The following KIAA1217 variants were observed in gnomAD, a reference collection of about 807,000 sequenced individuals.
KIAA1217 encodes the protein sickle tail protein homolog.
KIAA1217 carries 88 observed loss-of-function variants against 163.9 expected under a neutral mutation model. The observed-to-expected ratio is 0.54, with a 90% confidence interval of 0.45 to 0.64. The LOEUF (loss-of-function observed/expected upper bound fraction) is 0.64. KIAA1217 is among the 30% of genes least tolerant of loss of function. The pLI, the probability that KIAA1217 is intolerant of heterozygous loss-of-function variation, is 0.00. For synonymous variants in KIAA1217, 903 were observed against 923.1 expected (o/e 0.98, Z 0.39); for missense variants, 2,372 against 2,475.0 (o/e 0.96, Z 0.88).
intron 2 of KIAA1217, among the ~76,000 whole-genome samples, chr10:24,192,671 G>A (rs1342336689): frequency 6.6e-6 from 1 of 152,230 alleles, no homozygotes; most frequent in African/African-American, 2.4e-5. Context: ...GGGGCTTGGA[G>A]AAATGCACAG....
chr10:24,337,326 G>A (rs1448535533), intron 2 of KIAA1217, among the ~76,000 whole-genome samples: 1 of 152,146 alleles, frequency 6.6e-6, no homozygotes, highest in African/African-American at 2.4e-5. Flanking sequence ...AATATCACTA[G>A]CCATTAGAGA....
At chr10:24,395,874 G>A (rs955720762) in intron 3 of KIAA1217, among the ~76,000 whole-genome samples, 1 of 151,986 alleles carries the variant, frequency 6.6e-6, no homozygotes, top group Non-Finnish European at 1.5e-5. Flanking sequence ...TAGGGACGGG[G>A]GTCTCACGAT....
chr10:23,934,565 A>ATATATATATATATATATATATG (rs1843402047), intron 1 of KIAA1217, among the ~76,000 whole-genome samples: 2 of 70,984 alleles, frequency 2.8e-5, no homozygotes, highest in Admixed American at 1.4e-4. Context: ...AAGTATATAT[A>ATATATATATATATATATATATG]TATATATATA....
At chr10:24,341,379 T>C (rs2047080410) in intron 2 of KIAA1217, among the ~76,000 whole-genome samples, 1 of 151,456 alleles carries the variant, frequency 6.6e-6, no homozygotes, top group Non-Finnish European at 1.5e-5. Flanking sequence ...TCTCTTCCGG[T>C]CCTAAAAAAA....
At chr10:24,117,284 G>A (rs577923637) in intron 2 of KIAA1217, among the ~76,000 whole-genome samples, 89 of 152,210 alleles carry the variant, frequency 5.8e-4, no homozygotes, top group African/African-American at 1.9e-3. Context: ...TGATCCGCCC[G>A]CCTTGGCCTC....
At position 24,315,308 on chromosome 10, in the gene KIAA1217, C is replaced by T. The variant is rs564380171; in HGVS notation, c.355-65561C>T. Among the ~76,000 whole-genome samples the T allele has an allele frequency of 4.6e-5, 7 of 152,050 alleles. No individual in the cohort carries two copies. In the South Asian group the frequency reaches 1.5e-3, roughly 32 times the overall value. On this transcript the variant is annotated intron_variant, in intron 2 of 20. Coordinates refer to ENST00000376454, the MANE Select transcript of KIAA1217 (RefSeq NM_019590.5). Reference sequence around the variant, plus strand: ...GAATTTTTTCAAAGGTAAAAAGGAGCCCAAATTTCACAGAATGATCTCCCG... The same window carrying T: ...GAATTTTTTCAAAGGTAAAAAGGAGTCCAAATTTCACAGAATGATCTCCCG...
chr10:24,088,186 G>A (rs2131675092), intron 2 of KIAA1217, among the ~76,000 whole-genome samples: 1 of 119,522 alleles, frequency 8.4e-6, no homozygotes, highest in Admixed American at 8.3e-5. Flanking sequence ...GGAGGCACAT[G>A]GATCTCCTCT....
chr10:23,998,828 G>A (rs1020015593), intron 1 of KIAA1217, among the ~76,000 whole-genome samples: 1 of 152,144 alleles, frequency 6.6e-6, no homozygotes, highest in Non-Finnish European at 1.5e-5. Context: ...GGTTCGTATT[G>A]AGCATGGTTA....
At chr10:24,084,340 G>A (rs6482366) in intron 2 of KIAA1217, among the ~76,000 whole-genome samples, 8,226 of 152,192 alleles carry the variant, frequency 0.054, 751 homozygotes, top group African/African-American at 0.19. Flanking sequence ...TGTGTATTTC[G>A]TTTACATCTC....
chr10:24,022,050 T>C (rs374641711), intron 2 of KIAA1217, among the ~76,000 whole-genome samples: 30 of 151,680 alleles, frequency 2.0e-4, no homozygotes, highest in East Asian at 1.2e-3. Context: ...ATTAAAATTA[T>C]AAAATATACA....
intron 2 of KIAA1217, among the ~76,000 whole-genome samples, chr10:24,277,834 A>G (rs1002791399): frequency 6.6e-6 from 1 of 152,208 alleles, no homozygotes; most frequent in African/African-American, 2.4e-5. Context: ...ATGGCCTAAT[A>G]CAGTAGGTTT....
rs143780493 is a variant in KIAA1217, at chr10:23,826,991, A to T, written c.-321+131757A>T. ...CACTATGGACAAATAAAAGGTGAATATGACTTAGTCCCTGACTTTTAGATA... is the reference window on the plus strand; with the variant it reads ...CACTATGGACAAATAAAAGGTGAATTTGACTTAGTCCCTGACTTTTAGATA... On this transcript the variant is annotated intron_variant, in intron 1 of 18. Transcript: ENST00000376462. 4.0e-3 allele frequency among the ~76,000 whole-genome samples: 604 copies of T among 152,328 alleles called. 8 individuals carry two copies. In the South Asian group the frequency reaches 0.052, roughly 13 times the overall value.
intron 2 of KIAA1217, among the ~76,000 whole-genome samples, chr10:24,340,378 C>A (rs577440874): frequency 6.6e-6 from 1 of 152,244 alleles, no homozygotes; most frequent in South Asian, 2.1e-4. Context: ...AAGGGTTAAC[C>A]CTTTCACTTG....
chr10:24,277,204 A>G (rs2077397666), intron 2 of KIAA1217, among the ~76,000 whole-genome samples: 1 of 152,246 alleles, frequency 6.6e-6, no homozygotes, highest in Admixed American at 6.5e-5. Flanking sequence ...CTTTTCAAAT[A>G]CAGGTCATGG....
At chr10:23,859,169 A>G (rs1223314492) in intron 1 of KIAA1217, among the ~76,000 whole-genome samples, 3 of 152,208 alleles carry the variant, frequency 2.0e-5, no homozygotes, top group Non-Finnish European at 4.4e-5. Context: ...TATGTATAAC[A>G]TGTGAAACTT....
Position 24,524,359 on chromosome 10 carries a change from A to C in KIAA1217, c.2493A>C (p.Ala831=), listed in dbSNP as rs143401236. 1.2e-6 allele frequency: 2 copies of C among 1,612,722 alleles called. No homozygotes were observed. The highest frequency in any genetic ancestry group is 1.1e-5 in the South Asian group (1 of 91,070). Residue 831 remains alanine (A), a synonymous_variant, in exon 13 of 21, where the codon GCA becomes GCC. Coordinates refer to ENST00000376454, the MANE Select transcript of KIAA1217 (RefSeq NM_019590.5). The part of the protein sequence containing the change: ...VTDGLLKGTD[A]AQAAQYMAME... ...ATGGGCTCCTGAAAGGCACGGACGC[A>C]GCCCAAGCCGCACAGTACATGGCTA...
intron 5 of KIAA1217, among the ~76,000 whole-genome samples, chr10:24,469,693 C>A (rs190400695): frequency 6.6e-6 from 1 of 152,208 alleles, no homozygotes; most frequent in African/African-American, 2.4e-5. Flanking sequence ...CTCACTGCAA[C>A]CTCCACCTCC....
chr10:24,150,032 T>C (rs112471314), intron 2 of KIAA1217, among the ~76,000 whole-genome samples: 2,561 of 152,282 alleles, frequency 0.017, 62 homozygotes, highest in African/African-American at 0.057. Context: ...TTTTCTTTTT[T>C]TTGAGATGGA....
At chr10:24,328,050 C>T (rs1281625443) in intron 2 of KIAA1217, among the ~76,000 whole-genome samples, 1 of 152,174 alleles carries the variant, frequency 6.6e-6, no homozygotes, top group Non-Finnish European at 1.5e-5. Flanking sequence ...GGCTGAACTA[C>T]TCAGCAGTGA....
Sources: allele counts gnomAD v4.1 joint callset (sites outside exome capture counted in the v4.1 genomes callset), GRCh38; gene constraint gnomAD v4.1.1; transcripts MANE v1.5; gene names NCBI Gene and HGNC (gene_info 2026-07-23, HGNC 2026-07-21).